PRDM5: variants seen among roughly 807,000 people sequenced by gnomAD.
PRDM5 encodes the protein PR domain zinc finger protein 5.
In PRDM5, 56 loss-of-function variants were observed where a neutral mutation model predicts 81.2. The ratio of observed to expected loss-of-function variants is 0.69; its 90% CI spans 0.56 to 0.86. The LOEUF is 0.86. Ranked by LOEUF, PRDM5 falls within the 40% of genes least tolerant of loss-of-function variation. The pLI is 0.00. For missense variants in PRDM5, 697 were observed against 770.1 expected (o/e 0.91, Z 1.12); for synonymous variants, 267 against 256.4 (o/e 1.04, Z -0.39).
At chr4:120,814,303 T>G (rs1411003372) in intron 7 of PRDM5, among the ~76,000 whole-genome samples, 1 of 152,194 alleles carries the variant, frequency 6.6e-6, no homozygotes, top group African/African-American at 2.4e-5. Context: ...CATAACTAGA[T>G]GTTATACTGT....
At chr4:120,907,433 T>C (rs777346056) in intron 2 of PRDM5, 41 bp downstream of exon 2, 4 of 1,460,220 alleles carry the variant, frequency 2.7e-6, no homozygotes, top group Middle Eastern at 1.7e-4. Context: ...AATGGTACAA[T>C]ACAAATATAT....
intron 8 of PRDM5, among the ~76,000 whole-genome samples, chr4:120,802,675 G>A (rs1561295909): frequency 6.6e-6 from 1 of 152,190 alleles, no homozygotes; most frequent in Non-Finnish European, 1.5e-5. Context: ...CTAACAGACA[G>A]AAAGGATATC....
At chr4:120,829,708 T>C (rs775573047) in intron 3 of PRDM5, among the ~76,000 whole-genome samples, 5 of 152,052 alleles carry the variant, frequency 3.3e-5, no homozygotes, top group Non-Finnish European at 7.4e-5. Context: ...GATTGTGAAA[T>C]TGGCAAAGGT....
intron 2 of PRDM5, among the ~76,000 whole-genome samples, chr4:120,899,186 T>G (rs1303464784): frequency 1.3e-5 from 2 of 152,102 alleles, no homozygotes; most frequent in Non-Finnish European, 2.9e-5. Flanking sequence ...TTGGTTACCA[T>G]ACCTCAGAAA....
intron 14 of PRDM5, among the ~76,000 whole-genome samples, chr4:120,718,122 T>C (rs1371109518): frequency 6.6e-6 from 1 of 152,212 alleles, no homozygotes; most frequent in Non-Finnish European, 1.5e-5. Flanking sequence ...TCTGTGGTTA[T>C]ATCTTCTGTG....
intron 8 of PRDM5, among the ~76,000 whole-genome samples, chr4:120,809,402 C>CT (rs1252031850): frequency 1.1e-3 from 153 of 143,918 alleles, no homozygotes; most frequent in Non-Finnish European, 2.2e-3. Context: ...TAAAAAAATA[C>CT]TTTTAAAAAA....
At chr4:120,901,263 CAT>C (rs1335239050) in intron 2 of PRDM5, among the ~76,000 whole-genome samples, 1 of 152,066 alleles carries the variant, frequency 6.6e-6, no homozygotes, top group Non-Finnish European at 1.5e-5. Context: ...ATTTTGAAAA[CAT>C]GTTATTTATC....
chr4:120,792,927 A>G (rs1750794080), intron 10 of PRDM5, among the ~76,000 whole-genome samples: 1 of 152,024 alleles, frequency 6.6e-6, no homozygotes, highest in African/African-American at 2.4e-5. Context: ...GGGGCAGGGG[A>G]AGGGAGGAAT....
At chr4:120,814,039 C>A (rs910174187) in intron 7 of PRDM5, among the ~76,000 whole-genome samples, 30 of 152,158 alleles carry the variant, frequency 2.0e-4, no homozygotes, top group African/African-American at 7.2e-4. Flanking sequence ...TCTTTTTCAC[C>A]CTAGAAGAAT....
At chr4:120,685,958 T>C (rs1560854137) in intron 1 of PRDM5, among the ~76,000 whole-genome samples, 1 of 152,032 alleles carries the variant, frequency 6.6e-6, no homozygotes, top group Non-Finnish European at 1.5e-5. Context: ...TTCTCATGAA[T>C]GGTTTGGCAC....
intron 8 of PRDM5, among the ~76,000 whole-genome samples, 187 bp from the exon 9 acceptor site, chr4:120,799,932 TA>T (rs1256575359): frequency 6.6e-6 from 1 of 152,200 alleles, no homozygotes. Flanking sequence ...AGTTATGTAG[TA>T]AAAAATATCT....
chr4:120,775,518 T>C (rs775572031), intron 13 of PRDM5, among the ~76,000 whole-genome samples: 4 of 152,192 alleles, frequency 2.6e-5, no homozygotes, highest in Non-Finnish European at 4.4e-5. Flanking sequence ...GGTAGCTATG[T>C]CTTAATGCAT....
intron 13 of PRDM5, among the ~76,000 whole-genome samples, chr4:120,773,197 A>G (rs1747549018): frequency 6.6e-6 from 1 of 152,218 alleles, no homozygotes; most frequent in African/African-American, 2.4e-5. Flanking sequence ...ATGAAACAAA[A>G]TGACTGACAG....
intron 13 of PRDM5, among the ~76,000 whole-genome samples, chr4:120,765,788 T>C (rs1183154144): frequency 2.0e-5 from 3 of 152,274 alleles, no homozygotes; most frequent in South Asian, 2.1e-4. Flanking sequence ...TCAAACAGTG[T>C]ATCAAGGGAG....
chr4:120,764,951 T>G (rs899382217), intron 13 of PRDM5, among the ~76,000 whole-genome samples: 4 of 152,150 alleles, frequency 2.6e-5, no homozygotes, highest in Non-Finnish European at 4.4e-5. Flanking sequence ...TAAAATGTTG[T>G]TTTAAAATGT....
At chr4:120,836,990 G>A (rs1334340939) in intron 3 of PRDM5, among the ~76,000 whole-genome samples, 1 of 152,162 alleles carries the variant, frequency 6.6e-6, no homozygotes, top group African/African-American at 2.4e-5. Context: ...AAAGTCAAAT[G>A]TTCTGAGGCT....
At chr4:120,723,006 A>G (rs1161697851) in intron 14 of PRDM5, among the ~76,000 whole-genome samples, 4 of 152,184 alleles carry the variant, frequency 2.6e-5, no homozygotes, top group Non-Finnish European at 5.9e-5. Context: ...CTCATCTTTT[A>G]AGGCCCTTTC....
intron 13 of PRDM5, among the ~76,000 whole-genome samples, chr4:120,772,579 G>C (rs1053177067): frequency 6.6e-6 from 1 of 152,150 alleles, no homozygotes; most frequent in Non-Finnish European, 1.5e-5. Flanking sequence ...AGCAATAGTT[G>C]GAAGCAATAC....
chr4:120,790,954 C>T (rs967447547), intron 10 of PRDM5, among the ~76,000 whole-genome samples: 7 of 145,692 alleles, frequency 4.8e-5, no homozygotes, highest in Admixed American at 1.4e-4. Flanking sequence ...AACAAACAAA[C>T]AAAAAAACAG....
Sources: allele counts gnomAD v4.1 joint callset (sites outside exome capture counted in the v4.1 genomes callset), GRCh38; gene constraint gnomAD v4.1.1; transcripts MANE v1.5; gene names NCBI Gene and HGNC (gene_info 2026-07-23, HGNC 2026-07-21).